The following CERS6 variants were observed in gnomAD, a reference collection of about 807,000 sequenced individuals.
CERS6 encodes the protein LAG1 homolog, ceramide synthase 6.
Under a neutral mutation model 56.8 loss-of-function variants are expected in CERS6, and 26 were observed. The observed-to-expected ratio is 0.46, with a 90% CI of 0.34 to 0.63. The LOEUF is 0.63. Ranked by LOEUF, CERS6 falls within the 30% of genes least tolerant of loss-of-function variation. The probability of loss-of-function intolerance (pLI) is 0.01; values close to 1 mark genes in which losing one functional copy is unlikely to be tolerated. For missense variants in CERS6, 415 were observed against 467.5 expected (o/e 0.89, Z 1.04); for synonymous variants, 164 against 173.3 (o/e 0.95, Z 0.42).
At position 168,773,305 on chromosome 2, in the gene CERS6, A is replaced by G. The variant is rs1189254837; in HGVS notation, c.*3643A>G. 1.3e-5 allele frequency: 2 copies of G among 152,334 alleles called. No individual in the cohort carries two copies. 9.4% of individuals were successfully genotyped at this position (152,334 alleles called of 1,614,324 possible). A position where few individuals can be genotyped will look rare whatever the true frequency, so the allele number is the denominator to read the frequency against. On this transcript the variant is annotated 3_prime_UTR_variant, in exon 10 of 10. Coordinates refer to ENST00000305747, the MANE Select transcript of CERS6 (RefSeq NM_203463.3). The stretch of plus-strand genomic sequence containing the variant: ...AGGTATTAAAAGATTGTTTAACAGT[A>G]TGTGTGGTGATGTCATTATCTCCAG...
intron 4 of CERS6, chr2:168,644,009 A>C: frequency 1.3e-6 from 1 of 789,368 alleles, no homozygotes; most frequent in Non-Finnish European, 1.5e-6. Flanking sequence ...TAGTATATCC[A>C]GAGGGAAATG....
chr2:168,722,447 G>A (rs1683210593), intron 8 of CERS6, among the ~76,000 whole-genome samples: 1 of 152,068 alleles, frequency 6.6e-6, no homozygotes, highest in Non-Finnish European at 1.5e-5. Flanking sequence ...GTGTTTTGGG[G>A]TGATTTTTGT....
intron 3 of CERS6, among the ~76,000 whole-genome samples, chr2:168,565,551 A>G (rs148640999): frequency 5.3e-5 from 8 of 152,332 alleles, no homozygotes; most frequent in African/African-American, 1.9e-4. Flanking sequence ...ATTTTTCAAA[A>G]TATAGAATTC....
rs148764497 is a variant in CERS6 at position 168,517,494 on chromosome 2, AAAAT to A, written c.171-30075_171-30072del. 9.6e-3 allele frequency among the ~76,000 whole-genome samples: 1,436 copies of A among 149,536 alleles called. 20 individuals carry two copies. The highest frequency in any genetic ancestry group is 0.033 in the African/African-American group (1,321 of 40,618). On this transcript the variant is annotated intron_variant, in intron 1 of 9. Coordinates refer to ENST00000305747, the MANE Select transcript of CERS6 (RefSeq NM_203463.3). ...GCGATACAGCAAGACACTGCCTCAA[AAAAT>A]AAATAAATAAATAAATAAATAAATA...
chr2:168,537,434 T>G (rs138699206), intron 1 of CERS6, among the ~76,000 whole-genome samples: 3 of 152,226 alleles, frequency 2.0e-5, no homozygotes, highest in Non-Finnish European at 4.4e-5. Flanking sequence ...AATTTACTTT[T>G]CTTATTTTAG....
At chr2:168,670,142 A>G (rs1408846806) in intron 4 of CERS6, among the ~76,000 whole-genome samples, 1 of 152,200 alleles carries the variant, frequency 6.6e-6, no homozygotes, top group Non-Finnish European at 1.5e-5. Context: ...TGACTTCATA[A>G]AACTTCATGG....
intron 1 of CERS6, among the ~76,000 whole-genome samples, chr2:168,528,438 G>A (rs550207120): frequency 1.3e-5 from 2 of 152,196 alleles, no homozygotes; most frequent in African/African-American, 4.8e-5. Flanking sequence ...ACATCTCAGG[G>A]TTTCCTTTGT....
intron 1 of CERS6, among the ~76,000 whole-genome samples, chr2:168,485,905 A>C (rs1342118029): frequency 6.6e-6 from 1 of 152,150 alleles, no homozygotes; most frequent in Non-Finnish European, 1.5e-5. Flanking sequence ...TCATATAATA[A>C]GAGTATGTTT....
chr2:168,544,601 G>C (rs549748388), intron 1 of CERS6, among the ~76,000 whole-genome samples: 2 of 152,258 alleles, frequency 1.3e-5, no homozygotes, highest in African/African-American at 4.8e-5. Context: ...AAAGGTTTGG[G>C]CCCTTAGAGA....
At chr2:168,752,279 A>ATTGTG (rs758179740) in intron 8 of CERS6, among the ~76,000 whole-genome samples, 1 of 132,514 alleles carries the variant, frequency 7.5e-6, no homozygotes, top group Non-Finnish European at 1.6e-5. Flanking sequence ...AAAAAAATAA[A>ATTGTG]TGTGTGTGTG....
At chr2:168,675,066 T>G (rs1686021877) in intron 4 of CERS6, among the ~76,000 whole-genome samples, 1 of 151,890 alleles carries the variant, frequency 6.6e-6, no homozygotes, top group Non-Finnish European at 1.5e-5. Context: ...CTCCACCTCC[T>G]GGGTTCAAGC....
chr2:168,647,142 T>C (rs1685223454), intron 4 of CERS6, among the ~76,000 whole-genome samples: 1 of 152,256 alleles, frequency 6.6e-6, no homozygotes, highest in South Asian at 2.1e-4. Context: ...ATTTTAATTA[T>C]ATTGATTCTT....
At chr2:168,685,817 A>G (rs1339788167) in intron 4 of CERS6, among the ~76,000 whole-genome samples, 2 of 151,658 alleles carry the variant, frequency 1.3e-5, no homozygotes, top group Non-Finnish European at 2.9e-5. Context: ...CTTGCTGCTG[A>G]GTTATGTCTC....
chr2:168,730,058 C>T (rs1683476504), intron 8 of CERS6, among the ~76,000 whole-genome samples: 1 of 152,184 alleles, frequency 6.6e-6, no homozygotes, highest in Admixed American at 6.5e-5. Flanking sequence ...ACGACTGAGA[C>T]TTTGCAGCCC....
At chr2:168,761,892 T>C (rs1451140491) in intron 8 of CERS6, among the ~76,000 whole-genome samples, 1 of 150,782 alleles carries the variant, frequency 6.6e-6, no homozygotes, top group African/African-American at 2.5e-5. Flanking sequence ...TTAATAAATA[T>C]TTATTAATAA....
intron 3 of CERS6, among the ~76,000 whole-genome samples, chr2:168,596,570 T>C (rs1683804523): frequency 6.9e-6 from 1 of 144,382 alleles, no homozygotes; most frequent in Non-Finnish European, 1.5e-5. Context: ...TTTTTTTTTT[T>C]TGAGACTGAG....
intron 6 of CERS6, among the ~76,000 whole-genome samples, chr2:168,713,812 T>G (rs902819982): frequency 6.6e-6 from 1 of 152,032 alleles, no homozygotes; most frequent in Non-Finnish European, 1.5e-5. Context: ...GTGTAGGTCC[T>G]ATCAGAAGAG....
chr2:168,612,233 C>G (rs1335319510), intron 3 of CERS6, among the ~76,000 whole-genome samples: 6 of 152,194 alleles, frequency 3.9e-5, no homozygotes, highest in Non-Finnish European at 4.4e-5. Context: ...AGTCTTCATG[C>G]CCAGGCTGAG....
At chr2:168,752,865 T>C (rs1684315766) in intron 8 of CERS6, among the ~76,000 whole-genome samples, 1 of 152,208 alleles carries the variant, frequency 6.6e-6, no homozygotes, top group African/African-American at 2.4e-5. Flanking sequence ...CTTTTTCCCA[T>C]ACATCTAGGT....
Sources: allele counts gnomAD v4.1 joint callset (sites outside exome capture counted in the v4.1 genomes callset), GRCh38; gene constraint gnomAD v4.1.1; transcripts MANE v1.5; gene names NCBI Gene and HGNC (gene_info 2026-07-23, HGNC 2026-07-21).